The following STK31 variants were observed in gnomAD, a reference collection of about 807,000 sequenced individuals.
STK31 encodes serine/threonine kinase 31, also known as serine/threonine-protein kinase 31.
In STK31, 89 loss-of-function variants were observed where a neutral mutation model predicts 129.7. That is an observed-to-expected ratio of 0.69 (90% confidence interval 0.58 to 0.82). STK31 has a LOEUF of 0.82. STK31 is among the 40% of genes least tolerant of loss of function. STK31 has a pLI of 0.00. For missense variants in STK31, 1,187 were observed against 1,176.4 expected (o/e 1.01, Z -0.13); for synonymous variants, 448 against 395.3 (o/e 1.13, Z -1.58).
chr7:23,827,665 A>G (rs1466058046), intron 23 of STK31, among the ~76,000 whole-genome samples: 1 of 151,836 alleles, frequency 6.6e-6, no homozygotes, highest in Non-Finnish European at 1.5e-5. Flanking sequence ...GTCGGAGGAG[A>G]GGCTCTGATT....
At chr7:23,781,304 G>C in intron 15 of STK31, 115 bp from the exon 16 acceptor site, 1 of 679,750 alleles carries the variant, frequency 1.5e-6, no homozygotes, top group South Asian at 1.9e-5. Flanking sequence ...TTATGTGCTA[G>C]GTACTGAAGG....
chr7:23,779,826 C>T (rs1347295528), intron 15 of STK31, among the ~76,000 whole-genome samples: 1 of 152,188 alleles, frequency 6.6e-6, no homozygotes, highest in African/African-American at 2.4e-5. Context: ...GGCTTCAACC[C>T]TCTTTTCAGG....
intron 8 of STK31, among the ~76,000 whole-genome samples, chr7:23,738,164 C>T (rs1029367333): frequency 2.0e-5 from 3 of 152,140 alleles, no homozygotes; most frequent in Non-Finnish European, 4.4e-5. Flanking sequence ...TTCACTAGAA[C>T]TACTCACAGA....
In STK31 at chr7:23,769,272, T is replaced by C. The variant is rs931330353; in HGVS notation, c.1596+98T>C. The C allele has an allele frequency of 6.9e-6, 8 of 1,158,408 alleles. No individual in the cohort carries two copies. In the African/African-American group the frequency reaches 1.3e-4, roughly 18 times the overall value. 71.8% of individuals were successfully genotyped at this position (1,158,408 alleles called of 1,614,324 possible). ...TGTTCAAGAGCTGACATCATCTACC[T>C]ACTATGTATCAGATTTAAAATTGCC... On this transcript the variant is annotated intron_variant, in intron 12 of 23. Coordinates refer to ENST00000355870, the MANE Select transcript of STK31 (RefSeq NM_031414.5).
rs1787761398 is a variant in STK31, at chr7:23,737,070, G to C, written c.1009G>C (p.Glu337Gln). Residue 337 changes from glutamate (E) to glutamine (Q), a missense_variant, in exon 8 of 24, where the codon GAG becomes CAG. By Grantham distance (29) the Glu-to-Gln change is conservative. This residue lies in a region of STK31 where 975 missense variants were observed against 934.9 expected (regional missense o/e 1.04). Transcript: ENST00000355870. ...LELKVEQIAQ[E>Q]LQQEKAAAVD... ...ATTGAAAGTAGAGCAGATTGCCCAG[G>C]AGCTGCAGGTATGTTCAGTGGCTTA... is the stretch of plus-strand genomic sequence containing the variant. The C allele has an allele frequency of 6.2e-7, 1 of 1,605,098 alleles. No individual in the cohort carries two copies. Among genetic ancestry groups the C allele is most frequent in the African/African-American group, 1.3e-5 (1 of 74,754 alleles).
chr7:23,780,045 G>A lies in STK31; in HGVS notation c.1966-1374G>A, dbSNP rs1489782622. ...CATAGTATCTGGGCCAGAATGAACCGTTCCTGATGGCACAGTCCCTCATGG... is the reference window on the plus strand; with the variant it reads ...CATAGTATCTGGGCCAGAATGAACCATTCCTGATGGCACAGTCCCTCATGG... On this transcript the variant is annotated intron_variant, in intron 15 of 23. Coordinates refer to ENST00000355870, the MANE Select transcript of STK31 (RefSeq NM_031414.5). Among the ~76,000 whole-genome samples the A allele has an allele frequency of 5.9e-5, 9 of 152,194 alleles. No individual in the cohort carries two copies. The East Asian group carries it at 9.6e-4, about 16-fold the overall frequency.
chr7:23,769,325 CT>C, intron 12 of STK31, 151 bp downstream of exon 12: 1 of 700,796 alleles, frequency 1.4e-6, no homozygotes, highest in Non-Finnish European at 2.1e-6. Context: ...TCTTTATTAG[CT>C]TTTAGTCAGA....
At chr7:23,742,438 C>G (rs941960763) in intron 8 of STK31, among the ~76,000 whole-genome samples, 14 of 152,198 alleles carry the variant, frequency 9.2e-5, no homozygotes, top group Admixed American at 6.5e-5. Context: ...AAGTGGCTCC[C>G]TGCTGAGGCT....
rs76963559 is a variant in STK31, at chr7:23,744,294, C to CT, written c.1017+7229dup. On this transcript the variant is annotated intron_variant, in intron 8 of 23. Transcript: ENST00000355870. ...GGTGAATCCTTTAGTTCTAGGATTT[C>CT]TTTTTTTTTTTTTAATGATACCTAT... 2.6e-3 allele frequency among the ~76,000 whole-genome samples: 360 copies of CT among 139,790 alleles called. 3 individuals carry two copies. In the South Asian group the frequency reaches 0.029, roughly 11 times the overall value. The allele number at this position is 139,790 out of a possible 152,430, so 91.7% of individuals were successfully genotyped here.
chr7:23,805,716 C>G (rs1792663948), intron 22 of STK31, among the ~76,000 whole-genome samples: 1 of 152,134 alleles, frequency 6.6e-6, no homozygotes, highest in African/African-American at 2.4e-5. Context: ...AACTCCTGGG[C>G]TCAAGCAATT....
At chr7:23,752,929 A>G (rs1788806688) in intron 9 of STK31, 97 bp downstream of exon 9, 1 of 769,868 alleles carries the variant, frequency 1.3e-6, no homozygotes, top group Non-Finnish European at 2.1e-6. Context: ...TTGCTTTAAA[A>G]TTTAACCTTT....
At chr7:23,721,687 A>G in intron 4 of STK31, 1 of 801,186 alleles carries the variant, frequency 1.2e-6, no homozygotes, top group East Asian at 2.4e-5. Context: ...GTCCCACAGA[A>G]TCTGGTTTAC....
intron 23 of STK31, among the ~76,000 whole-genome samples, chr7:23,816,240 G>C (rs1396303622): frequency 6.6e-6 from 1 of 152,138 alleles, no homozygotes; most frequent in Non-Finnish European, 1.5e-5. Flanking sequence ...ATGGTTTACA[G>C]TTTTGAAAAG....
chr7:23,830,516 A>G (rs1044494921), intron 23 of STK31, among the ~76,000 whole-genome samples: 1 of 151,786 alleles, frequency 6.6e-6, no homozygotes, highest in African/African-American at 2.4e-5. Context: ...GATTGCTCGA[A>G]GACATTTTCT....
intron 22 of STK31, among the ~76,000 whole-genome samples, chr7:23,809,142 T>G (rs998065445): frequency 6.6e-6 from 1 of 150,458 alleles, no homozygotes; most frequent in African/African-American, 2.5e-5. Context: ...TGTGTTGTAT[T>G]ATAGCTAGAG....
intron 11 of STK31, among the ~76,000 whole-genome samples, chr7:23,765,502 T>TATTTC (rs1412264679): frequency 4.6e-5 from 7 of 152,068 alleles, no homozygotes; most frequent in Admixed American, 6.5e-5. Flanking sequence ...TATTAAAACT[T>TATTTC]ATTTCTGTTT....
chr7:23,750,067 T>TCTCCCCCC (rs1788612132), intron 8 of STK31, among the ~76,000 whole-genome samples: 2 of 90,550 alleles, frequency 2.2e-5, no homozygotes, highest in Non-Finnish European at 4.7e-5. Flanking sequence ...ATGGTTTGTT[T>TCTCCCCCC]CCCCCCCCGC....
chr7:23,828,007 G>T (rs1029663971), intron 23 of STK31, among the ~76,000 whole-genome samples: 1 of 152,186 alleles, frequency 6.6e-6, no homozygotes, highest in East Asian at 1.9e-4. Context: ...CACCCGTACT[G>T]GGGGGTGCCT....
At chr7:23,721,885 C>T (rs753576608) in intron 4 of STK31, 2 of 437,088 alleles carry the variant, frequency 4.6e-6, no homozygotes, top group African/African-American at 2.0e-5. Flanking sequence ...GAAGCTTGTG[C>T]ATGCGTCACG....
Sources: allele counts gnomAD v4.1 joint callset (sites outside exome capture counted in the v4.1 genomes callset), GRCh38; gene constraint gnomAD v4.1.1; regional missense constraint gnomAD v4.1.1; transcripts MANE v1.5; gene names NCBI Gene and HGNC (gene_info 2026-07-23, HGNC 2026-07-21).